Variants in CNTNAP5 observed in about 807,000 individuals in gnomAD.
CNTNAP5 encodes the protein contactin associated protein family member 5.
CNTNAP5 carries 72 observed loss-of-function variants against 150.2 expected under a neutral mutation model. The observed-to-expected ratio is 0.48, with a 90% CI of 0.40 to 0.58. The LOEUF is 0.58. CNTNAP5 is among the 20% of genes least tolerant of loss of function. The pLI is 0.00. For synonymous variants in CNTNAP5, 672 were observed against 619.8 expected (o/e 1.08, Z -1.25); for missense variants, 1,636 against 1,626.2 (o/e 1.01, Z -0.10).
Position 124,334,292 on chromosome 2 carries a change from T to G in CNTNAP5, c.382-83151T>G, listed in dbSNP as rs142559941. On this transcript the variant is annotated intron_variant, in intron 3 of 23. Coordinates refer to ENST00000682447, the MANE Select transcript of CNTNAP5 (RefSeq NM_001367498.1). ...AGGTAGAAGCTTTAAGAAAAATATA[T>G]CAAGGGAACCAGATGGAAGGTTGAG... 2.3e-3 allele frequency among the ~76,000 whole-genome samples: 346 copies of G among 152,158 alleles called. 2 individuals carry two copies. The highest frequency in any genetic ancestry group is 7.1e-3 in the African/African-American group (296 of 41,524).
chr2:124,182,781 T>C (rs1685240416), intron 1 of CNTNAP5, among the ~76,000 whole-genome samples: 1 of 152,192 alleles, frequency 6.6e-6, no homozygotes, highest in South Asian at 2.1e-4. Flanking sequence ...TTGCCATTCA[T>C]CTTCTGCCTG....
intron 2 of CNTNAP5, among the ~76,000 whole-genome samples, chr2:124,229,320 T>C (rs978721824): frequency 1.9e-4 from 29 of 152,144 alleles, no homozygotes; most frequent in African/African-American, 6.5e-4. Flanking sequence ...CTGTAGGTAT[T>C]GCTGTGCCCA....
intron 1 of CNTNAP5, among the ~76,000 whole-genome samples, chr2:124,157,583 G>A (rs1052648869): frequency 1.3e-5 from 2 of 151,954 alleles, no homozygotes; most frequent in African/African-American, 4.8e-5. Flanking sequence ...ATTCTTTTTA[G>A]AAGAAAGAAG....
At chr2:124,029,839 C>T (rs1680996341) in intron 1 of CNTNAP5, among the ~76,000 whole-genome samples, 1 of 152,086 alleles carries the variant, frequency 6.6e-6, no homozygotes, top group Non-Finnish European at 1.5e-5. Context: ...GCCAGAACTT[C>T]ACTCAAATAT....
intron 3 of CNTNAP5, among the ~76,000 whole-genome samples, chr2:124,357,756 G>C (rs2104709887): frequency 7.0e-6 from 1 of 143,572 alleles, no homozygotes; most frequent in African/African-American, 2.6e-5. Flanking sequence ...CTCCAGCTTT[G>C]TTCTTTTGGC....
chr2:124,626,414 C>T (rs1436570481), intron 12 of CNTNAP5, among the ~76,000 whole-genome samples: 1 of 152,088 alleles, frequency 6.6e-6, no homozygotes, highest in Non-Finnish European at 1.5e-5. Flanking sequence ...GTGGGCTTGA[C>T]CTACAGAGAA....
intron 1 of CNTNAP5, among the ~76,000 whole-genome samples, chr2:124,200,322 C>G (rs1172550105): frequency 6.6e-6 from 1 of 152,098 alleles, no homozygotes; most frequent in Non-Finnish European, 1.5e-5. Context: ...AGAATTTACT[C>G]TAAATTACTG....
chr2:124,182,210 G>A (rs954978420), intron 1 of CNTNAP5, among the ~76,000 whole-genome samples: 1 of 152,052 alleles, frequency 6.6e-6, no homozygotes, highest in African/African-American at 2.4e-5. Flanking sequence ...CTATATATGT[G>A]TCCGTTCCTT....
Position 124,736,799 on chromosome 2 carries a change from C to CT in CNTNAP5, c.2078-10422dup, listed in dbSNP as rs200896662. Among the ~76,000 whole-genome samples, 1,022 of 151,818 alleles carry CT rather than the reference C, an allele frequency of 6.7e-3. 7 individuals carry two copies. The highest frequency in any genetic ancestry group is 0.012 in the Non-Finnish European group (798 of 67,902). On this transcript the variant is annotated intron_variant, in intron 13 of 23. Transcript: ENST00000682447. ...TATAGAAAATCTTTCTGGGTTGTTT[C>CT]TTTTTTTTGGCATTTGGTCATTTGT...
At chr2:124,088,095 C>T (rs1250436053) in intron 1 of CNTNAP5, among the ~76,000 whole-genome samples, 1 of 152,096 alleles carries the variant, frequency 6.6e-6, no homozygotes, top group Admixed American at 6.5e-5. Context: ...TTACTGACCC[C>T]CAGTCACTGA....
intron 1 of CNTNAP5, among the ~76,000 whole-genome samples, chr2:124,181,578 G>A (rs1685209641): frequency 6.6e-6 from 1 of 152,086 alleles, no homozygotes; most frequent in Non-Finnish European, 1.5e-5. Context: ...TGGATAAAGT[G>A]TCCCATTGAA....
At chr2:124,370,594 C>A (rs1283543066) in intron 3 of CNTNAP5, among the ~76,000 whole-genome samples, 1 of 152,216 alleles carries the variant, frequency 6.6e-6, no homozygotes, top group African/African-American at 2.4e-5. Flanking sequence ...CACTCCAGAT[C>A]AAGGAACGGT....
chr2:124,352,948 TG>T (rs1211683509), intron 3 of CNTNAP5, among the ~76,000 whole-genome samples: 5 of 152,166 alleles, frequency 3.3e-5, no homozygotes, highest in Non-Finnish European at 7.4e-5. Context: ...AGTGATGCTT[TG>T]GGCCTCTGTC....
intron 19 of CNTNAP5, among the ~76,000 whole-genome samples, chr2:124,836,269 C>T (rs996431130): frequency 2.0e-5 from 3 of 152,060 alleles, no homozygotes; most frequent in Non-Finnish European, 4.4e-5. Context: ...TTGTAAAACT[C>T]CACACAAATA....
intron 19 of CNTNAP5, among the ~76,000 whole-genome samples, chr2:124,807,847 G>T (rs1287092064): frequency 1.3e-5 from 2 of 152,002 alleles, no homozygotes; most frequent in Non-Finnish European, 2.9e-5. Context: ...TCAAGAGAGG[G>T]GCCAGGCAGA....
At chr2:124,529,551 A>G (rs926386503) in intron 10 of CNTNAP5, among the ~76,000 whole-genome samples, 1 of 152,174 alleles carries the variant, frequency 6.6e-6, no homozygotes, top group East Asian at 1.9e-4. Flanking sequence ...TTGAGTCACT[A>G]TTTCTTAAAC....
At chr2:124,892,880 A>G (rs1395999034) in intron 21 of CNTNAP5, among the ~76,000 whole-genome samples, 4 of 152,134 alleles carry the variant, frequency 2.6e-5, no homozygotes, top group Admixed American at 6.6e-5. Flanking sequence ...TTTAAAATAT[A>G]AATATGCTGT....
In CNTNAP5 at chr2:124,424,957, C is replaced by T. The variant is rs547304322; in HGVS notation, c.529+7367C>T. Among the ~76,000 whole-genome samples, 7 of 152,172 alleles carry T rather than the reference C, an allele frequency of 4.6e-5. No homozygotes were observed. The East Asian group carries it at 7.7e-4, about 17-fold the overall frequency. ...GCTGCCCAGTATGTGATTTGACTGG[C>T]GATATTGCTATTATTCCTGTGACCC... On this transcript the variant is annotated intron_variant, in intron 4 of 23. Transcript: ENST00000682447.
At chr2:124,860,169 G>A (rs1337294032) in intron 19 of CNTNAP5, among the ~76,000 whole-genome samples, 2 of 42 alleles carry the variant, frequency 0.048, no homozygotes, top group Non-Finnish European at 0.083. Flanking sequence ...GGCTAACATG[G>A]TGAAACCCAT....
Sources: gnomAD v4.1 joint callset for allele counts (sites outside exome capture counted in the v4.1 genomes callset) on GRCh38, gnomAD v4.1.1 for gene constraint, MANE v1.5 for transcripts, NCBI Gene and HGNC (gene_info 2026-07-23, HGNC 2026-07-21) for gene names.